The following QDPR variants were observed in gnomAD, a reference collection of about 807,000 sequenced individuals.
The protein encoded by QDPR is dihydropteridine reductase.
In QDPR, 23 loss-of-function variants were observed where a neutral mutation model predicts 31.7. That is an observed-to-expected ratio of 0.73 (90% CI 0.52 to 1.03). The LOEUF (loss-of-function observed/expected upper bound fraction) is 1.03. QDPR is among the 50% of genes least tolerant of loss of function. The probability of loss-of-function intolerance (pLI) is 0.00; values close to 1 mark genes in which losing one functional copy is unlikely to be tolerated. For missense variants in QDPR, 324 were observed against 323.8 expected (o/e 1.00, Z 0.00); for synonymous variants, 124 against 124.7 (o/e 0.99, Z 0.03).
At chr4:17,497,510 T>G (rs1718409199) in intron 4 of QDPR, among the ~76,000 whole-genome samples, 1 of 77,928 alleles carries the variant, frequency 1.3e-5, no homozygotes, top group Non-Finnish European at 3.3e-5. Flanking sequence ...TGAATATAAT[T>G]ATATTATCTC....
At chr4:17,509,096 T>G (rs1342783071) in intron 2 of QDPR, among the ~76,000 whole-genome samples, 175 bp downstream of exon 2, 1 of 151,848 alleles carries the variant, frequency 6.6e-6, no homozygotes, top group Non-Finnish European at 1.5e-5. Context: ...AGGCAAAGGT[T>G]GCAGTGAACG....
chr4:17,506,000 A>G (rs182308953), intron 2 of QDPR, among the ~76,000 whole-genome samples: 1 of 152,348 alleles, frequency 6.6e-6, no homozygotes, highest in African/African-American at 2.4e-5. Flanking sequence ...CAGGGACATT[A>G]GAAACCTATA....
intron 6 of QDPR, chr4:17,490,376 G>A (rs1322349564): frequency 4.9e-6 from 2 of 408,422 alleles, no homozygotes; most frequent in Non-Finnish European, 4.7e-6. Flanking sequence ...TACAGGTGGG[G>A]AAACTGAGGC....
At position 17,504,428 on chromosome 4, in the gene QDPR, T is replaced by C. The variant is rs1454662160; in HGVS notation, c.246A>G (p.Ala82=). 2 of 1,614,210 alleles carry C rather than the reference T, an allele frequency of 1.2e-6. No individual in the cohort carries two copies. The highest frequency in any genetic ancestry group is 1.1e-5 in the South Asian group (1 of 91,084). The part of the protein sequence containing the change: ...GKLLGEEKVD[A]ILCVAGGWAG... ...CCCATCCTCCAGCAACGCAAAGAAT[T>C]GCATCCACCTTCTCTTCACCCAAGA... The change falls in exon 3 of 7, where the codon GCA becomes GCG. Residue 82 remains alanine (A), a synonymous_variant. Coordinates refer to ENST00000281243, the MANE Select transcript of QDPR (RefSeq NM_000320.3).
rs568408549 is a variant in QDPR, at chr4:17,508,968, C to T, written c.198+303G>A. ...GGTCAGGAGTTCAAGATCAGCCTGG[C>T]CAACATGGTGAAACCCCGTCTCTAC... On this transcript the variant is annotated intron_variant, in intron 2 of 6. Coordinates refer to ENST00000281243, the MANE Select transcript of QDPR (RefSeq NM_000320.3). 5.9e-5 allele frequency among the ~76,000 whole-genome samples: 9 copies of T among 152,142 alleles called. No individual in the cohort carries two copies. The East Asian group carries it at 1.2e-3, about 20-fold the overall frequency.
chr4:17,499,449 C>T (rs1050071440), intron 4 of QDPR, among the ~76,000 whole-genome samples: 3 of 152,176 alleles, frequency 2.0e-5, no homozygotes, highest in East Asian at 1.9e-4. Context: ...GCCTCTGTTC[C>T]GTGTCATCTT....
rs550966415 is a variant in QDPR, at chr4:17,509,312, T to C, written c.157A>G (p.Ile53Val). The change falls in exon 2 of 7, where the codon ATT becomes GTT. Residue 53 changes from isoleucine (I) to valine (V), a missense_variant. By Grantham distance (29) the Ile-to-Val change is conservative (BLOSUM62 3). Transcript: ENST00000281243. The stretch of plus-strand genomic sequence containing the variant: ...GTGAACGAGTCTGTCATTTTAACAA[T>C]GATGCTAGCGCTGGCCTCTTCATTC... ...VENEEASASI[I>V]VKMTDSFTEQ... 1.5e-5 allele frequency: 25 copies of C among 1,614,054 alleles called. No individual in the cohort carries two copies. Among genetic ancestry groups the C allele is most frequent in the Non-Finnish European group, 1.9e-5 (23 of 1,179,954 alleles).
chr4:17,492,213 G>A lies in QDPR; in HGVS notation c.545+19C>T, dbSNP rs1420876295. On this transcript the variant is annotated intron_variant, in intron 5 of 6. Transcript: ENST00000281243. ...GTGGGGCAGAGGTGGGCAGCAGCCA[G>A]GGAACCCCAAGCACTTACGGGAGCA... is the stretch of plus-strand genomic sequence containing the variant. 6.2e-7 allele frequency: 1 copy of A among 1,607,328 alleles called. No homozygotes were observed. Among genetic ancestry groups the A allele is most frequent in the Admixed American group, 1.7e-5 (1 of 59,954 alleles).
Position 17,511,078 on chromosome 4 carries a change from T to A in QDPR, c.105+872A>T, listed in dbSNP as rs950679494. Among the ~76,000 whole-genome samples, 35 of 152,142 alleles carry A rather than the reference T, an allele frequency of 2.3e-4. 1 individual carries two copies. Among genetic ancestry groups the A allele is most frequent in the African/African-American group, 8.0e-4 (33 of 41,508 alleles). On this transcript the variant is annotated intron_variant, in intron 1 of 6. Transcript: ENST00000281243. ...CCTTCATCTATAAAAATTAGATAGTTTTTTTTTAAAGAAAATCCTGAAAGC... is the reference window on the plus strand; with the variant it reads ...CCTTCATCTATAAAAATTAGATAGTATTTTTTTAAAGAAAATCCTGAAAGC...
At chr4:17,509,174 A>AAAAGGAAGAACATACAGCC (rs1332195323) in intron 2 of QDPR, 97 bp downstream of exon 2, 29 of 1,013,708 alleles carry the variant, frequency 2.9e-5, no homozygotes, top group South Asian at 2.0e-4. Flanking sequence ...AAAAAGAAAT[A>AAAAGGAAGAACATACAGCC]AAAGGAAGAA....
At chr4:17,492,592 A>G in intron 4 of QDPR, 1 of 550,080 alleles carries the variant, frequency 1.8e-6, no homozygotes, top group Non-Finnish European at 3.3e-6. Context: ...CAGGCTTCAC[A>G]CAGGCCACCG....
chr4:17,497,973 GC>G (rs1331086413), intron 4 of QDPR, among the ~76,000 whole-genome samples: 5 of 152,164 alleles, frequency 3.3e-5, no homozygotes, highest in African/African-American at 1.2e-4. Flanking sequence ...GTTTCCCTCT[GC>G]CCCGCAGGCA....
At chr4:17,510,092 T>C (rs1718952414) in intron 1 of QDPR, 1 of 413,532 alleles carries the variant, frequency 2.4e-6, no homozygotes, top group African/African-American at 2.1e-5. Context: ...CAACAAAATA[T>C]AATTCTTCAT....
chr4:17,490,906 CAG>C lies in QDPR; in HGVS notation c.546-163_546-162del, dbSNP rs1424664398. ...TGGAAAGATCAGACAGAAAGATAAG[CAG>C]AGAGAGAGCAGGAAGCTGTCCCCGC... On this transcript the variant is annotated intron_variant, in intron 5 of 6. Coordinates refer to ENST00000281243, the MANE Select transcript of QDPR (RefSeq NM_000320.3). 2.6e-5 allele frequency among the ~76,000 whole-genome samples: 4 copies of C among 152,232 alleles called. No individual in the cohort carries two copies. The South Asian group carries it at 8.3e-4, about 32-fold the overall frequency.
At chr4:17,508,148 A>AT (rs1244809137) in intron 2 of QDPR, among the ~76,000 whole-genome samples, 1 of 152,218 alleles carries the variant, frequency 6.6e-6, no homozygotes, top group Non-Finnish European at 1.5e-5. Context: ...AAATAATCAG[A>AT]TATGTGGGCC....
In QDPR at chr4:17,487,263, T is replaced by TA. The variant is rs767463694; in HGVS notation, c.630-28dup. The TA allele has an allele frequency of 1.9e-5, 31 of 1,597,590 alleles. 1 individual carries two copies. The highest frequency in any genetic ancestry group is 2.5e-5 in the Non-Finnish European group (29 of 1,165,440). ...TGGAACAGAAAATAAAAGTTTTTTT[T>TA]ATATTCTCAAAGCAAAAATCTGGGC... On this transcript the variant is annotated intron_variant, in intron 6 of 6. Transcript: ENST00000281243.
intron 2 of QDPR, among the ~76,000 whole-genome samples, chr4:17,508,975 G>A (rs1718894861): frequency 6.6e-6 from 1 of 152,042 alleles, no homozygotes; most frequent in Middle Eastern, 3.2e-3. Context: ...TGGCCAACAT[G>A]GTGAAACCCC....
At chr4:17,488,094 A>G (rs1352782460) in intron 6 of QDPR, among the ~76,000 whole-genome samples, 1 of 151,910 alleles carries the variant, frequency 6.6e-6, no homozygotes, top group African/African-American at 2.4e-5. Flanking sequence ...GTGAAACCCT[A>G]CCTCTAAAAA....
rs1000234079 is a variant in QDPR, at chr4:17,509,889, A to G, written c.106-526T>C. 1.3e-5 allele frequency: 6 copies of G among 454,096 alleles called. No homozygotes were observed. In the East Asian group the frequency reaches 2.1e-4, roughly 16 times the overall value. 28.1% of individuals were successfully genotyped at this position (454,096 alleles called of 1,614,324 possible). ...ACACAAACCCTGCACTTCTAGAGAC[A>G]TCAAGGGCCAGCAAATTTTCTGTAA... On this transcript the variant is annotated intron_variant, in intron 1 of 6. Transcript: ENST00000281243.
Sources: gnomAD v4.1 joint callset for allele counts (sites outside exome capture counted in the v4.1 genomes callset) on GRCh38, gnomAD v4.1.1 for gene constraint, MANE v1.5 for transcripts, NCBI Gene and HGNC (gene_info 2026-07-23, HGNC 2026-07-21) for gene names.